The following MPP7 variants were observed in gnomAD, a reference collection of about 807,000 sequenced individuals.
MPP7 encodes MAGUK p55 subfamily member 7.
In MPP7, 60 loss-of-function variants were observed where a neutral mutation model predicts 76.5. That is an observed-to-expected ratio of 0.78 (90% CI 0.64 to 0.97). The LOEUF (loss-of-function observed/expected upper bound fraction) is 0.97, where lower values mean the gene tolerates loss of function less well. MPP7 is among the 50% of genes least tolerant of loss of function. The pLI, the probability that MPP7 is intolerant of heterozygous loss-of-function variation, is 0.00. For synonymous variants in MPP7, 237 were observed against 244.5 expected (o/e 0.97, Z 0.29); for missense variants, 641 against 694.0 (o/e 0.92, Z 0.86).
chr10:28,179,862 T>C (rs1272659231), intron 3 of MPP7, among the ~76,000 whole-genome samples: 1 of 152,210 alleles, frequency 6.6e-6, no homozygotes, highest in East Asian at 1.9e-4. Flanking sequence ...ATTTATAACA[T>C]TCCAATTTAA....
At chr10:28,261,575 A>G (rs1241148032) in intron 1 of MPP7, among the ~76,000 whole-genome samples, 1 of 152,186 alleles carries the variant, frequency 6.6e-6, no homozygotes. Flanking sequence ...TAGGCAGCAC[A>G]GCCTTCTCCA....
At chr10:28,120,479 T>G in intron 9 of MPP7, 89 bp from the exon 10 acceptor site, 1 of 1,487,194 alleles carries the variant, frequency 6.7e-7, no homozygotes, top group Non-Finnish European at 9.3e-7. Context: ...CCAAACATAG[T>G]AATTTTAAAA....
chr10:28,133,756 G>A (rs1835268106), intron 5 of MPP7, among the ~76,000 whole-genome samples: 1 of 151,978 alleles, frequency 6.6e-6, no homozygotes, highest in Admixed American at 6.6e-5. Context: ...TAGTCATCAT[G>A]CCCTCCATAC....
At chr10:28,230,552 G>A (rs1041232621) in intron 2 of MPP7, among the ~76,000 whole-genome samples, 6 of 152,092 alleles carry the variant, frequency 3.9e-5, no homozygotes, top group African/African-American at 7.2e-5. Flanking sequence ...AGTGGCTCAC[G>A]CCTGTAATCC....
upstream of MPP7, among the ~76,000 whole-genome samples, chr10:28,306,664 T>TAGAGAGAGAGAGAGAGAGAG: frequency 2.4e-5 from 1 of 41,228 alleles, no homozygotes; most frequent in African/African-American, 8.2e-5. Flanking sequence ...AGATGATAGA[T>TAGAGAGAGAGAGAGAGAGAG]AGATAGAGAG....
At chr10:28,182,180 A>G (rs1430723986) in intron 3 of MPP7, among the ~76,000 whole-genome samples, 1 of 46,694 alleles carries the variant, frequency 2.1e-5, no homozygotes, top group Non-Finnish European at 5.0e-5. Context: ...ACAAATAACC[A>G]AAGCAAAAAA....
At chr10:28,325,517 C>T (rs1226680785) in intron 2 of MPP7, among the ~76,000 whole-genome samples, 1 of 151,018 alleles carries the variant, frequency 6.6e-6, no homozygotes, top group Non-Finnish European at 1.5e-5. Context: ...TTTTTGAGAC[C>T]GAGTCTTGCT....
chr10:28,269,892 A>C (rs1056308997), intron 1 of MPP7, among the ~76,000 whole-genome samples: 3 of 151,982 alleles, frequency 2.0e-5, no homozygotes, highest in Admixed American at 1.3e-4. Flanking sequence ...GACAGTGCTT[A>C]AGATCGGGGT....
At position 28,090,208 on chromosome 10, in the gene MPP7, A is replaced by C. The variant is rs573740951; in HGVS notation, c.953-367T>G. Among the ~76,000 whole-genome samples, 7 of 152,192 alleles carry C rather than the reference A, an allele frequency of 4.6e-5. No individual in the cohort carries two copies. In the South Asian group the frequency reaches 1.5e-3, roughly 32 times the overall value. ...ACTGCTGGCCTCAAGCAATCCCCCC[A>C]GTTTAGCTTCCCAAAGTGTTGGGAT... is the stretch of plus-strand genomic sequence containing the variant. On this transcript the variant is annotated intron_variant, in intron 11 of 16. Transcript: ENST00000683449.
intron 1 of MPP7, among the ~76,000 whole-genome samples, chr10:28,334,009 A>G (rs1200496769): frequency 6.6e-6 from 1 of 152,160 alleles, no homozygotes; most frequent in African/African-American, 2.4e-5. Flanking sequence ...CCTGGCCAAC[A>G]TAGTGAAACC....
chr10:28,171,846 CT>C (rs1166336651), intron 3 of MPP7, among the ~76,000 whole-genome samples: 2 of 152,164 alleles, frequency 1.3e-5, no homozygotes, highest in Admixed American at 1.3e-4. Flanking sequence ...TATGTCTTTA[CT>C]TTTTGCTCGT....
At chr10:28,124,220 C>A in intron 7 of MPP7, 104 bp from the exon 8 acceptor site, 1 of 769,980 alleles carries the variant, frequency 1.3e-6, no homozygotes. Flanking sequence ...CCTTAATACA[C>A]TTAACGAATG....
intron 8 of MPP7, among the ~76,000 whole-genome samples, chr10:28,122,289 T>C (rs910129357): frequency 2.6e-5 from 4 of 152,222 alleles, no homozygotes; most frequent in African/African-American, 7.2e-5. Context: ...TGCTGAGCCA[T>C]ATAGGTCTAT....
intron 1 of MPP7, among the ~76,000 whole-genome samples, chr10:28,332,991 T>G (rs887461931): frequency 4.6e-4 from 70 of 152,050 alleles, no homozygotes; most frequent in African/African-American, 1.6e-3. Context: ...GGAAACCATG[T>G]CAAGTGTCCA....
At chr10:28,319,177 GAGGGTGA>G (rs886345222) in intron 2 of MPP7, among the ~76,000 whole-genome samples, 1 of 152,176 alleles carries the variant, frequency 6.6e-6, no homozygotes, top group Non-Finnish European at 1.5e-5. Context: ...GCAGGAGGAA[GAGGGTGA>G]AGGGGTAGGT....
At chr10:28,240,774 G>A (rs570951784) in intron 1 of MPP7, among the ~76,000 whole-genome samples, 7 of 149,304 alleles carry the variant, frequency 4.7e-5, no homozygotes, top group African/African-American at 1.5e-4. Context: ...GGCTAGAAAT[G>A]AAGTAATTCA....
intron 3 of MPP7, among the ~76,000 whole-genome samples, chr10:28,154,324 G>A (rs916001019): frequency 6.6e-6 from 1 of 152,170 alleles, no homozygotes; most frequent in Non-Finnish European, 1.5e-5. Context: ...TTCTGTGTGT[G>A]TATATCATAA....
intron 1 of MPP7, among the ~76,000 whole-genome samples, chr10:28,291,376 C>T (rs1251584582): frequency 1.3e-5 from 2 of 152,260 alleles, no homozygotes; most frequent in South Asian, 2.1e-4. Flanking sequence ...GAGGCTGAGG[C>T]GGGTGGATCA....
intron 2 of MPP7, among the ~76,000 whole-genome samples, chr10:28,322,681 C>A (rs1384289562): frequency 6.6e-6 from 1 of 152,144 alleles, no homozygotes; most frequent in Non-Finnish European, 1.5e-5. Context: ...TTTCTCCAAG[C>A]CCAGATCCTG....
Sources: allele counts gnomAD v4.1 joint callset (sites outside exome capture counted in the v4.1 genomes callset), GRCh38; gene constraint gnomAD v4.1.1; transcripts MANE v1.5; gene names NCBI Gene and HGNC (gene_info 2026-07-23, HGNC 2026-07-21).